The following TECPR2 variants were observed in gnomAD, a reference collection of about 807,000 sequenced individuals.
TECPR2 encodes tectonin beta-propeller repeat-containing protein 2.
Under a neutral mutation model 138.1 loss-of-function variants are expected in TECPR2, and 65 were observed. That is an observed-to-expected ratio of 0.47 (90% CI 0.39 to 0.58). The LOEUF (loss-of-function observed/expected upper bound fraction) is 0.58. Ranked by LOEUF, TECPR2 falls within the 20% of genes least tolerant of loss-of-function variation. TECPR2 has a pLI of 0.00. For synonymous variants in TECPR2, 746 were observed against 749.8 expected, an observed-to-expected ratio of 0.99 and a Z score of 0.08; for missense variants, 1,553 against 1,824.5, an observed-to-expected ratio of 0.85 and a Z score of 2.71.
At chr14:102,397,660 T>A (rs1011488001) in intron 2 of TECPR2, among the ~76,000 whole-genome samples, 45 of 152,018 alleles carry the variant, frequency 3.0e-4, no homozygotes, top group African/African-American at 8.7e-4. Context: ...GGCAAGAGAA[T>A]CGCTTGAACC....
chr14:102,427,682 T>C (rs1889360297), intron 6 of TECPR2, among the ~76,000 whole-genome samples: 1 of 152,146 alleles, frequency 6.6e-6, no homozygotes, highest in Non-Finnish European at 1.5e-5. Flanking sequence ...TGAGTTGCAG[T>C]GCGCACTGGC....
intron 2 of TECPR2, among the ~76,000 whole-genome samples, chr14:102,392,147 C>T (rs569254102): frequency 6.6e-6 from 1 of 151,830 alleles, no homozygotes; most frequent in South Asian, 2.1e-4. Flanking sequence ...CGCCACCACA[C>T]CCAGCTGATT....
intron 2 of TECPR2, among the ~76,000 whole-genome samples, chr14:102,387,994 G>C (rs17100877): frequency 0.71 from 107,492 of 152,108 alleles, 38,217 homozygotes; most frequent in Middle Eastern, 0.76. Flanking sequence ...ATTTCGCATT[G>C]AGAAAAGTCA....
At chr14:102,485,584 C>T (rs1891007214) in intron 17 of TECPR2, among the ~76,000 whole-genome samples, 4 of 152,146 alleles carry the variant, frequency 2.6e-5, no homozygotes, top group African/African-American at 9.7e-5. Flanking sequence ...GCAGCAGTCC[C>T]CTCATCGTGC....
At position 102,452,524 on chromosome 14, in the gene TECPR2, T is replaced by C. The variant is rs1482897442; in HGVS notation, c.3537T>C (p.Asp1179=). 1 of 1,612,512 alleles carries C rather than the reference T, an allele frequency of 6.2e-7. No individual in the cohort carries two copies. Among genetic ancestry groups the C allele is most frequent in the Non-Finnish European group, 8.5e-7 (1 of 1,179,724 alleles). ...AEMRAYAACQ[D]ALWALDSLGQ... ...TGCGCGCCTATGCCGCCTGCCAGGA[T>C]GCGCTGTGGGCGCTGGACAGCCTCG... is the stretch of plus-strand genomic sequence containing the variant. The change falls in exon 16 of 20, where the codon GAT becomes GAC. Residue 1179 remains aspartate (D), a synonymous_variant. Transcript: ENST00000359520.
At chr14:102,422,615 A>G (rs115397066) in intron 5 of TECPR2, among the ~76,000 whole-genome samples, 1,588 of 152,368 alleles carry the variant, frequency 0.01, 30 homozygotes, top group African/African-American at 0.036. Context: ...AAACAATACT[A>G]AATTATATTG....
chr14:102,457,961 T>C (rs1051687387), intron 16 of TECPR2, among the ~76,000 whole-genome samples: 1 of 143,804 alleles, frequency 7.0e-6, no homozygotes, highest in Admixed American at 7.4e-5. Flanking sequence ...GCAACCTCCG[T>C]CTCCTAGGTT....
In TECPR2 at chr14:102,414,533, C is replaced by A. The variant is rs1306982610; in HGVS notation, c.481-103C>A. 4 of 1,419,756 alleles carry A rather than the reference C, an allele frequency of 2.8e-6. No homozygotes were observed. In the African/African-American group the frequency reaches 5.7e-5, roughly 20 times the overall value. 87.9% of individuals were successfully genotyped at this position (1,419,756 alleles called of 1,614,324 possible). ...AAGCATGCGTTAAGTAAGGTGCAAG[C>A]TGACCTAAGCACAGCTAGCGGGAAG... On this transcript the variant is annotated intron_variant, in intron 4 of 19. Transcript: ENST00000359520.
Position 102,443,930 on chromosome 14 carries a change from C to A in TECPR2, c.2933+103C>A. 8.8e-7 allele frequency: 1 copy of A among 1,140,102 alleles called. No homozygotes were observed. The highest frequency in any genetic ancestry group is 1.2e-6 in the Non-Finnish European group (1 of 834,422). The allele number at this position is 1,140,102 out of a possible 1,614,324, so 70.6% of individuals were successfully genotyped here. On this transcript the variant is annotated intron_variant, in intron 12 of 19. Transcript: ENST00000359520. This position sits in a 1 kb window ranked among gnomAD's most constrained non-coding sequence, Gnocchi z 4.9. ...CCATGAGGCCGTTCCTGGGAGGCAG[C>A]ACCTGCAGCCTCCATGGCTATAGGC...
chr14:102,488,915 CTTG>C (rs1360047266), intron 17 of TECPR2, among the ~76,000 whole-genome samples: 2 of 150,208 alleles, frequency 1.3e-5, no homozygotes, highest in African/African-American at 2.5e-5. Context: ...GAGTTTTGCT[CTTG>C]TTGTCCAGGC....
At chr14:102,493,830 T>G (rs990747729) in intron 17 of TECPR2, among the ~76,000 whole-genome samples, 4 of 152,210 alleles carry the variant, frequency 2.6e-5, no homozygotes, top group African/African-American at 9.7e-5. Context: ...GCATCTGAGG[T>G]TCTGCGTGGA....
intron 7 of TECPR2, 107 bp downstream of exon 7, chr14:102,428,489 G>C: frequency 6.5e-7 from 1 of 1,529,870 alleles, no homozygotes; most frequent in Non-Finnish European, 8.8e-7. Context: ...GGCCAGGCAT[G>C]GTGGCTCACG....
intron 17 of TECPR2, among the ~76,000 whole-genome samples, chr14:102,490,988 G>A (rs563052853): frequency 3.9e-5 from 6 of 152,114 alleles, no homozygotes; most frequent in African/African-American, 9.6e-5. Flanking sequence ...TCTGCCTCCC[G>A]GGTTCAAGTG....
At chr14:102,458,294 T>C (rs1387352726) in intron 16 of TECPR2, among the ~76,000 whole-genome samples, 1 of 152,166 alleles carries the variant, frequency 6.6e-6, no homozygotes, top group African/African-American at 2.4e-5. Context: ...CCCACCACTG[T>C]CAGGGTGGAG....
At chr14:102,387,497 A>G (rs983097219) in intron 2 of TECPR2, among the ~76,000 whole-genome samples, 1 of 151,320 alleles carries the variant, frequency 6.6e-6, no homozygotes, top group East Asian at 1.9e-4. Context: ...CAACAAGCCA[A>G]TGAGATTTCA....
At chr14:102,400,364 A>C (rs965966807) in intron 2 of TECPR2, among the ~76,000 whole-genome samples, 3 of 152,152 alleles carry the variant, frequency 2.0e-5, no homozygotes, top group African/African-American at 7.2e-5. Context: ...TTTTCTACAT[A>C]ATTTAAAATA....
In TECPR2 at chr14:102,497,105, TG is replaced by T; in HGVS notation, c.3919del (p.Glu1307SerfsTer13). 1 of 1,611,722 alleles carries T rather than the reference TG, an allele frequency of 6.2e-7. No individual in the cohort carries two copies. The highest frequency in any genetic ancestry group is 8.5e-7 in the Non-Finnish European group (1 of 1,179,918). On this transcript the variant is annotated frameshift_variant, in exon 18 of 20. Coordinates refer to ENST00000359520, the MANE Select transcript of TECPR2 (RefSeq NM_014844.5). LOFTEE classifies it high-confidence loss of function. Reference protein sequence around the residue: ...ITEEMPVGTAWEHVPGLQACQ... With the variant: ...ITEEMPVGTAXEHVPGLQACQ... ...CGAGGAGATGCCTGTGGGGACCGCC[TG>T]GGAGCATGTGCCAGGTAGGAGCCTG...
chr14:102,449,800 G>T lies in TECPR2; in HGVS notation c.3247G>T (p.Val1083Phe), dbSNP rs758241409. 3 of 1,614,058 alleles carry T rather than the reference G, an allele frequency of 1.9e-6. No homozygotes were observed. Among genetic ancestry groups the T allele is most frequent in the African/African-American group, 1.3e-5 (1 of 74,924 alleles). ...TCAGTGCCAGCCAAGCCTTCTCGGG[G>T]TCAATAACAGCGGTGTCTGGATCTC... ...QLQCQPSLLG[V>F]NNSGVWISSG... is the part of the protein sequence containing the mutation. The change falls in exon 14 of 20, where the codon GTC (valine) becomes TTC (phenylalanine). Residue 1083 changes from valine to phenylalanine, a missense_variant. By Grantham distance (50) the Val-to-Phe change is conservative. Transcript: ENST00000359520.
At chr14:102,410,812 A>G (rs1595109493) in intron 4 of TECPR2, among the ~76,000 whole-genome samples, 1 of 151,672 alleles carries the variant, frequency 6.6e-6, no homozygotes, top group East Asian at 1.9e-4. Flanking sequence ...GCCGGTTTAC[A>G]CTGTTTTTCC....
Sources: gnomAD v4.1 joint callset for allele counts (sites outside exome capture counted in the v4.1 genomes callset) on GRCh38, gnomAD v4.1.1 for gene constraint, Gnocchi (gnomAD v3.1) non-coding constraint, MANE v1.5 for transcripts, NCBI Gene and HGNC (gene_info 2026-07-23, HGNC 2026-07-21) for gene names.